The following TENM2 variants were observed in gnomAD, a reference collection of about 807,000 sequenced individuals.
The protein encoded by TENM2 is teneurin transmembrane protein 2.
A neutral mutation model predicts 245.2 loss-of-function variants in TENM2; 52 were observed. The ratio of observed to expected loss-of-function variants is 0.21; its 90% confidence interval spans 0.17 to 0.27. The LOEUF is 0.27. Ranked by LOEUF, TENM2 falls within the 10% of genes least tolerant of loss-of-function variation. TENM2 has a pLI of 1.00. For missense variants in TENM2, 3,046 were observed against 3,666.8 expected (o/e 0.83, Z 4.37); for synonymous variants, 1,363 against 1,438.9 (o/e 0.95, Z 1.19).
At chr5:167,757,896 C>G (rs770503948) in intron 2 of TENM2, among the ~76,000 whole-genome samples, 8 of 152,188 alleles carry the variant, frequency 5.3e-5, no homozygotes, top group African/African-American at 9.7e-5. Context: ...TAGAAGAATT[C>G]TTTGTTGGAA....
intron 1 of TENM2, among the ~76,000 whole-genome samples, chr5:167,370,641 C>T (rs554453297): frequency 5.9e-5 from 9 of 152,302 alleles, no homozygotes; most frequent in Non-Finnish European, 7.3e-5. Context: ...GGTGAGTTAT[C>T]GGCAACAGCC....
chr5:167,276,324 C>T, the TENM2 span, among the ~76,000 whole-genome samples: 3 of 148,642 alleles, frequency 2.0e-5, no homozygotes, highest in African/African-American at 7.5e-5. Context: ...GTAGAATTCA[C>T]CAGTGAAACC....
At chr5:167,051,602 C>T in the TENM2 span, among the ~76,000 whole-genome samples, 6 of 152,140 alleles carry the variant, frequency 3.9e-5, no homozygotes, top group Non-Finnish European at 1.5e-5. Context: ...TCTCCAGGGA[C>T]TCGGAGGAGG....
intron 3 of TENM2, among the ~76,000 whole-genome samples, chr5:167,894,622 C>G (rs1338064277): frequency 6.6e-6 from 1 of 152,114 alleles, no homozygotes; most frequent in Non-Finnish European, 1.5e-5. Context: ...TACCCCTGCC[C>G]CATCCAAATT....
chr5:167,698,991 C>G (rs991601633), intron 2 of TENM2, among the ~76,000 whole-genome samples: 16 of 151,902 alleles, frequency 1.1e-4, no homozygotes, highest in African/African-American at 3.9e-4. Context: ...CCCATAAGTA[C>G]TTTTAAAAGA....
chr5:167,990,103 T>C (rs527459680), intron 4 of TENM2, among the ~76,000 whole-genome samples: 1 of 152,332 alleles, frequency 6.6e-6, no homozygotes, highest in Admixed American at 6.5e-5. Flanking sequence ...TTTGATTTCC[T>C]ATTTTCACTA....
At position 167,596,808 on chromosome 5, in the gene TENM2, A is replaced by AAG. The variant is rs1224931915; in HGVS notation, c.502+221336_502+221337insGA. Among the ~76,000 whole-genome samples, 399 of 151,904 alleles carry AAG rather than the reference A, an allele frequency of 2.6e-3. 2 individuals carry two copies. The highest frequency in any genetic ancestry group is 8.5e-3 in the African/African-American group (352 of 41,456). ...TAGATTCTGCCTCAAAAAAAAAAAA[A>AAG]AAGAAGAAAAGAAAAAAATGCAGAG... On this transcript the variant is annotated intron_variant, in intron 2 of 28. Coordinates refer to ENST00000518659, the Ensembl canonical transcript of TENM2.
chr5:167,838,189 G>C (rs1293402269), intron 2 of TENM2, among the ~76,000 whole-genome samples: 1 of 152,188 alleles, frequency 6.6e-6, no homozygotes, highest in Non-Finnish European at 1.5e-5. Context: ...CCACAGAAAT[G>C]GTCGGCAGTG....
chr5:167,800,214 T>C (rs1186224511), intron 2 of TENM2, among the ~76,000 whole-genome samples: 1 of 152,208 alleles, frequency 6.6e-6, no homozygotes, highest in African/African-American at 2.4e-5. Context: ...GCCACAGATG[T>C]CATCTAGGAA....
chr5:168,183,097 TG>T (rs1760072070), intron 13 of TENM2, among the ~76,000 whole-genome samples: 1 of 152,172 alleles, frequency 6.6e-6, no homozygotes, highest in South Asian at 2.1e-4. Flanking sequence ...CTCAAAGTGC[TG>T]GGATTACAGG....
intron 12 of TENM2, among the ~76,000 whole-genome samples, chr5:168,158,048 G>T (rs1195876955): frequency 6.6e-6 from 1 of 152,126 alleles, no homozygotes. Context: ...TCAGCCTCCT[G>T]AGAAGCTGGG....
At chr5:167,911,675 A>G (rs1776568628) in intron 3 of TENM2, among the ~76,000 whole-genome samples, 1 of 152,178 alleles carries the variant, frequency 6.6e-6, no homozygotes, top group South Asian at 2.1e-4. Flanking sequence ...AGTACTCACC[A>G]TGGCGTGTAG....
intron 2 of TENM2, among the ~76,000 whole-genome samples, chr5:167,443,629 TATA>T (rs1259969217): frequency 6.6e-6 from 1 of 152,198 alleles, no homozygotes; most frequent in African/African-American, 2.4e-5. Flanking sequence ...GTTGGAAGCT[TATA>T]ATGAAATTCT....
At chr5:167,785,527 A>G (rs976086297) in intron 2 of TENM2, among the ~76,000 whole-genome samples, 1 of 152,206 alleles carries the variant, frequency 6.6e-6, no homozygotes, top group African/African-American at 2.4e-5. Flanking sequence ...GCTGAGAAAC[A>G]GGACCCATGG....
At chr5:167,709,311 A>G (rs1758748866) in intron 2 of TENM2, among the ~76,000 whole-genome samples, 2 of 152,190 alleles carry the variant, frequency 1.3e-5, no homozygotes, top group African/African-American at 4.8e-5. Context: ...TAGTTTTTAT[A>G]GAATTTATTT....
chr5:167,005,316 A>G, the TENM2 span, among the ~76,000 whole-genome samples: 3 of 152,222 alleles, frequency 2.0e-5, no homozygotes, highest in East Asian at 3.9e-4. Flanking sequence ...TGTGTACCAC[A>G]TAGATGAATT....
At chr5:167,702,078 C>A (rs1758177081) in intron 2 of TENM2, among the ~76,000 whole-genome samples, 1 of 152,200 alleles carries the variant, frequency 6.6e-6, no homozygotes, top group African/African-American at 2.4e-5. Context: ...GTGTTCCCTG[C>A]CTTTGAAAAG....
At chr5:167,051,135 T>A in the TENM2 span, among the ~76,000 whole-genome samples, 2 of 151,834 alleles carry the variant, frequency 1.3e-5, no homozygotes, top group African/African-American at 4.8e-5. Context: ...AGAGACTATA[T>A]ATGTGAACTA....
At chr5:167,171,086 G>A in the TENM2 span, among the ~76,000 whole-genome samples, 1 of 152,100 alleles carries the variant, frequency 6.6e-6, no homozygotes, top group African/African-American at 2.4e-5. Flanking sequence ...CCTGGCCCAT[G>A]TCTTTAATGC....
Sources: gnomAD v4.1 joint callset for allele counts (sites outside exome capture counted in the v4.1 genomes callset) on GRCh38, gnomAD v4.1.1 for gene constraint, MANE v1.5 for transcripts, NCBI Gene and HGNC (gene_info 2026-07-23, HGNC 2026-07-21) for gene names.